CPED1: variants seen among roughly 807,000 people sequenced by gnomAD.
CPED1 encodes cadherin like and PC-esterase domain containing 1.
Under a neutral mutation model 128.2 loss-of-function variants are expected in CPED1, and 114 were observed. That is an observed-to-expected ratio of 0.89 (90% CI 0.76 to 1.04). The LOEUF (loss-of-function observed/expected upper bound fraction) is 1.04, where lower values mean the gene tolerates loss of function less well. CPED1 is among the 50% of genes least tolerant of loss of function. CPED1 has a pLI of 0.00. For synonymous variants in CPED1, 462 were observed against 426.7 expected, an observed-to-expected ratio of 1.08 and a Z score of -1.02; for missense variants, 1,211 against 1,207.1, an observed-to-expected ratio of 1.00 and a Z score of -0.05.
At chr7:121,250,338 T>G (rs1241643968) in intron 18 of CPED1, among the ~76,000 whole-genome samples, 4 of 151,078 alleles carry the variant, frequency 2.6e-5, no homozygotes, top group African/African-American at 9.8e-5. Context: ...AGAGGGAAAT[T>G]TATAGCACTA....
At chr7:121,050,395 C>T (rs1488309204) in intron 4 of CPED1, 1 of 153,690 alleles carries the variant, frequency 6.5e-6, no homozygotes, top group Admixed American at 6.5e-5. Context: ...CATCAGGCTT[C>T]ACCAGCTAAT....
At chr7:121,183,390 G>C (rs1417686592) in intron 16 of CPED1, among the ~76,000 whole-genome samples, 1 of 152,138 alleles carries the variant, frequency 6.6e-6, no homozygotes, top group Non-Finnish European at 1.5e-5. Context: ...CTTGAACATA[G>C]GTTTGAGAAT....
intron 16 of CPED1, among the ~76,000 whole-genome samples, chr7:121,173,982 A>T (rs182103408): frequency 2.8e-4 from 42 of 152,192 alleles, no homozygotes; most frequent in Non-Finnish European, 5.3e-4. Context: ...TCTAATGATC[A>T]GTGATATTGA....
chr7:121,099,425 T>C (rs1208553946), intron 6 of CPED1, among the ~76,000 whole-genome samples: 4 of 152,234 alleles, frequency 2.6e-5, no homozygotes, highest in Non-Finnish European at 5.9e-5. Context: ...TGAAGTGCAA[T>C]GATGCAATCT....
In CPED1 at chr7:121,254,531, C is replaced by G. The variant is rs908461478; in HGVS notation, c.2310+10193C>G. Among the ~76,000 whole-genome samples, 5 of 151,698 alleles carry G rather than the reference C, an allele frequency of 3.3e-5. No homozygotes were observed. In the East Asian group the frequency reaches 7.8e-4, roughly 24 times the overall value. On this transcript the variant is annotated intron_variant, in intron 18 of 22. Coordinates refer to ENST00000310396, the MANE Select transcript of CPED1 (RefSeq NM_024913.5). ...AAAAGAGAACAAACTAAGCCAAAAC[C>G]TAGCAGAAAAAAATAAATAACTAAT...
At chr7:121,104,870 A>G (rs912192440) in intron 7 of CPED1, among the ~76,000 whole-genome samples, 3 of 152,146 alleles carry the variant, frequency 2.0e-5, no homozygotes, top group Non-Finnish European at 4.4e-5. Flanking sequence ...GCAATGATAT[A>G]TACATGATAT....
At chr7:121,286,252 G>C (rs1248186336) in intron 22 of CPED1, among the ~76,000 whole-genome samples, 1 of 152,144 alleles carries the variant, frequency 6.6e-6, no homozygotes, top group African/African-American at 2.4e-5. Context: ...CTAATGACGT[G>C]TAGGGATTAC....
intron 3 of CPED1, among the ~76,000 whole-genome samples, chr7:121,017,515 G>A (rs1471935643): frequency 6.6e-6 from 1 of 152,110 alleles, no homozygotes. Flanking sequence ...AGGGGTGATT[G>A]TATAACTACT....
In CPED1 at chr7:121,012,458, G is replaced by A. The variant is rs530219372; in HGVS notation, c.250-3207G>A. 2.6e-5 allele frequency among the ~76,000 whole-genome samples: 4 copies of A among 152,282 alleles called. No homozygotes were observed. The South Asian group carries it at 8.3e-4, about 32-fold the overall frequency. On this transcript the variant is annotated intron_variant, in intron 2 of 22. Transcript: ENST00000310396. ...TGTTGTAGTGGTGGCCAGGTGAAAT[G>A]TATTCTCTTCCATTAAAAATATACC...
At chr7:121,234,718 A>G (rs2116660202) in intron 16 of CPED1, among the ~76,000 whole-genome samples, 1 of 151,472 alleles carries the variant, frequency 6.6e-6, no homozygotes, top group South Asian at 2.1e-4. Flanking sequence ...CAGGAACACT[A>G]CCGTCATCCA....
chr7:121,172,998 A>T (rs1250291050), intron 16 of CPED1, among the ~76,000 whole-genome samples: 1 of 152,148 alleles, frequency 6.6e-6, no homozygotes, highest in African/African-American at 2.4e-5. Context: ...CTTTGTGTGT[A>T]TACATATTTG....
At chr7:121,285,325 T>G (rs1250420252) in intron 22 of CPED1, among the ~76,000 whole-genome samples, 1 of 152,204 alleles carries the variant, frequency 6.6e-6, no homozygotes, top group Non-Finnish European at 1.5e-5. Context: ...TGGGAGGGGC[T>G]GCCATGAAGG....
intron 22 of CPED1, among the ~76,000 whole-genome samples, chr7:121,287,574 G>A (rs1388264803): frequency 1.3e-5 from 2 of 152,164 alleles, no homozygotes; most frequent in African/African-American, 4.8e-5. Context: ...TCTATTCATA[G>A]TGACTAATGA....
At chr7:121,101,478 T>C (rs932984527) in intron 7 of CPED1, among the ~76,000 whole-genome samples, 1 of 152,188 alleles carries the variant, frequency 6.6e-6, no homozygotes, top group Non-Finnish European at 1.5e-5. Context: ...TCCTTCCATT[T>C]CTATTTATAT....
At chr7:121,165,142 C>T (rs996792657) in intron 16 of CPED1, among the ~76,000 whole-genome samples, 60 of 151,954 alleles carry the variant, frequency 3.9e-4, no homozygotes, top group African/African-American at 1.0e-3. Context: ...TAATTTAAAT[C>T]TATAAAAACA....
chr7:121,160,755 G>A (rs1422258614), intron 16 of CPED1, among the ~76,000 whole-genome samples: 1 of 152,166 alleles, frequency 6.6e-6, no homozygotes, highest in Admixed American at 6.5e-5. Context: ...CAGAGTTAAA[G>A]CTGTAGAAGG....
chr7:121,011,922 C>T (rs12671499), intron 2 of CPED1, among the ~76,000 whole-genome samples: 33,319 of 152,000 alleles, frequency 0.22, 4,026 homozygotes, highest in East Asian at 0.4. Context: ...GTTTTATTTA[C>T]ATATATTTAA....
At chr7:121,267,702 T>C (rs1792157145) in intron 21 of CPED1, among the ~76,000 whole-genome samples, 1 of 151,960 alleles carries the variant, frequency 6.6e-6, no homozygotes, top group African/African-American at 2.4e-5. Flanking sequence ...GATAGTAAAT[T>C]AGCCTCAGCA....
intron 16 of CPED1, among the ~76,000 whole-genome samples, chr7:121,210,723 G>A (rs749420195): frequency 3.1e-4 from 47 of 151,802 alleles, no homozygotes; most frequent in Non-Finnish European, 5.7e-4. Context: ...TACTTAGAAT[G>A]AATAAGATCT....
Sources: allele counts gnomAD v4.1 joint callset (sites outside exome capture counted in the v4.1 genomes callset), GRCh38; gene constraint gnomAD v4.1.1; transcripts MANE v1.5; gene names NCBI Gene and HGNC (gene_info 2026-07-23, HGNC 2026-07-21).